Variants in NAALADL2 observed in about 807,000 individuals in gnomAD.
The protein encoded by NAALADL2 is inactive N-acetylated-alpha-linked acidic dipeptidase-like protein 2.
Under a neutral mutation model 87.2 loss-of-function variants are expected in NAALADL2, and 76 were observed. That is an observed-to-expected ratio of 0.87 (90% confidence interval 0.72 to 1.05). NAALADL2 has a LOEUF of 1.05. NAALADL2 is among the 50% of genes least tolerant of loss of function. NAALADL2 has a pLI of 0.00. For missense variants in NAALADL2, 1,089 were observed against 945.8 expected, an observed-to-expected ratio of 1.15 and a Z score of -1.99; for synonymous variants, 354 against 331.0, an observed-to-expected ratio of 1.07 and a Z score of -0.75.
intron 2 of NAALADL2, among the ~76,000 whole-genome samples, chr3:174,643,506 T>C (rs1578408523): frequency 1.3e-5 from 2 of 151,928 alleles, no homozygotes; most frequent in Non-Finnish European, 2.9e-5. Flanking sequence ...TACAAAAAAT[T>C]AGCTGGGTGT....
At chr3:174,485,504 T>A in intron 1 of NAALADL2, among the ~76,000 whole-genome samples, 1 of 151,826 alleles carries the variant, frequency 6.6e-6, no homozygotes, top group Non-Finnish European at 1.5e-5. Flanking sequence ...TGTGTTCATA[T>A]GTTCTCATCA....
chr3:174,748,589 C>A (rs983167003), intron 3 of NAALADL2, among the ~76,000 whole-genome samples: 18 of 152,130 alleles, frequency 1.2e-4, no homozygotes, highest in Non-Finnish European at 4.4e-5. Flanking sequence ...GAGACTAATA[C>A]AATGAGCAAA....
intron 11 of NAALADL2, among the ~76,000 whole-genome samples, chr3:175,677,192 G>A (rs1026643307): frequency 3.3e-5 from 5 of 151,666 alleles, no homozygotes; most frequent in African/African-American, 9.7e-5. Context: ...GTGAAACTCC[G>A]TTTCTACTAA....
intron 5 of NAALADL2, among the ~76,000 whole-genome samples, chr3:175,337,954 C>T (rs149221118): frequency 1.3e-5 from 2 of 152,270 alleles, no homozygotes; most frequent in African/African-American, 2.4e-5. Flanking sequence ...TAGCAAACTA[C>T]GATGAGAGTG....
intron 1 of NAALADL2, among the ~76,000 whole-genome samples, chr3:174,531,358 A>C (rs184889807): frequency 6.6e-6 from 1 of 152,108 alleles, no homozygotes; most frequent in Admixed American, 6.5e-5. Context: ...TGCAAGAGTG[A>C]TAGTGGGATT....
chr3:175,553,941 G>A (rs1007348866), intron 9 of NAALADL2, among the ~76,000 whole-genome samples: 1 of 152,172 alleles, frequency 6.6e-6, no homozygotes, highest in Non-Finnish European at 1.5e-5. Flanking sequence ...GATATACAGG[G>A]TAAATAAAGA....
intron 1 of NAALADL2, among the ~76,000 whole-genome samples, chr3:174,441,830 A>G (rs1267035890): frequency 2.0e-5 from 3 of 148,336 alleles, no homozygotes; most frequent in African/African-American, 5.0e-5. Flanking sequence ...AGTAGCCTTT[A>G]CATTTCAACC....
intron 1 of NAALADL2, among the ~76,000 whole-genome samples, chr3:174,966,418 C>G (rs903902266): frequency 6.6e-6 from 1 of 152,134 alleles, no homozygotes; most frequent in Non-Finnish European, 1.5e-5. Flanking sequence ...ACCAGATTCA[C>G]AGAGACCAGC....
chr3:174,502,392 T>C (rs1453528632), intron 1 of NAALADL2, among the ~76,000 whole-genome samples: 4 of 152,218 alleles, frequency 2.6e-5, no homozygotes, highest in African/African-American at 9.6e-5. Context: ...AAATTTCTTC[T>C]GCTATCCTAA....
At chr3:175,765,024 TG>T (rs934387443) in intron 13 of NAALADL2, among the ~76,000 whole-genome samples, 26 of 152,140 alleles carry the variant, frequency 1.7e-4, no homozygotes, top group Admixed American at 7.9e-4. Flanking sequence ...TTGTTTTTCT[TG>T]TCATTAATTC....
intron 2 of NAALADL2, among the ~76,000 whole-genome samples, chr3:175,180,749 A>G (rs1207182316): frequency 6.6e-6 from 1 of 151,010 alleles, no homozygotes; most frequent in Non-Finnish European, 1.5e-5. Flanking sequence ...ATAATTATCA[A>G]TATTATTATT....
At chr3:175,731,573 T>C (rs184725072) in intron 11 of NAALADL2, among the ~76,000 whole-genome samples, 10 of 152,318 alleles carry the variant, frequency 6.6e-5, no homozygotes, top group Admixed American at 5.2e-4. Flanking sequence ...AGACTGAGTT[T>C]CAGAGTGGGT....
intron 9 of NAALADL2, among the ~76,000 whole-genome samples, chr3:175,488,487 A>G (rs1483677811): frequency 6.6e-6 from 1 of 152,238 alleles, no homozygotes; most frequent in African/African-American, 2.4e-5. Flanking sequence ...ACATTCATCT[A>G]TGTGTAAATT....
chr3:175,608,085 A>T (rs1724035305), intron 10 of NAALADL2, among the ~76,000 whole-genome samples: 3 of 151,552 alleles, frequency 2.0e-5, no homozygotes, highest in African/African-American at 7.3e-5. Context: ...TTGCTACCAG[A>T]ATGTGTGGCC....
chr3:174,522,573 A>C (rs1177700740), intron 1 of NAALADL2, among the ~76,000 whole-genome samples: 1 of 151,868 alleles, frequency 6.6e-6, no homozygotes, highest in Non-Finnish European at 1.5e-5. Context: ...GGTGGGAGTG[A>C]GGTTACAGTG....
At chr3:175,668,339 T>TGC (rs1356494499) in intron 11 of NAALADL2, among the ~76,000 whole-genome samples, 13 of 152,300 alleles carry the variant, frequency 8.5e-5, no homozygotes, top group African/African-American at 3.1e-4. Context: ...AGATCTTTTT[T>TGC]ATGAGCTATT....
At chr3:175,471,037 G>T (rs1026308058) in intron 8 of NAALADL2, among the ~76,000 whole-genome samples, 4 of 152,056 alleles carry the variant, frequency 2.6e-5, no homozygotes, top group African/African-American at 9.7e-5. Context: ...TCCATACTGT[G>T]TTAACCTTTG....
chr3:174,504,491 T>A (rs1389402932), intron 1 of NAALADL2, among the ~76,000 whole-genome samples: 1 of 152,100 alleles, frequency 6.6e-6, no homozygotes, highest in Non-Finnish European at 1.5e-5. Flanking sequence ...AGTGGGCATT[T>A]CTTAGTTTAT....
At chr3:175,626,760 C>T (rs1727039983) in intron 10 of NAALADL2, among the ~76,000 whole-genome samples, 1 of 151,692 alleles carries the variant, frequency 6.6e-6, no homozygotes, top group Admixed American at 6.6e-5. Context: ...TTTATCTTTC[C>T]ACCTCTTAAG....
Sources: allele counts gnomAD v4.1 joint callset (sites outside exome capture counted in the v4.1 genomes callset), GRCh38; gene constraint gnomAD v4.1.1; transcripts MANE v1.5; gene names NCBI Gene and HGNC (gene_info 2026-07-23, HGNC 2026-07-21).